Variants in CFAP206 observed in about 807,000 individuals in gnomAD.
CFAP206 encodes cilia and flagella associated protein 206.
In CFAP206, 53 loss-of-function variants were observed where a neutral mutation model predicts 65.4. The ratio of observed to expected loss-of-function variants is 0.81; its 90% CI spans 0.65 to 1.02. The LOEUF is 1.02. Among genes scored for constraint, CFAP206 ranks in the 50% least tolerant of loss-of-function variants. The pLI is 0.00. For missense variants in CFAP206, 663 were observed against 753.2 expected (o/e 0.88, Z 1.40); for synonymous variants, 250 against 254.4 (o/e 0.98, Z 0.17).
At chr6:87,429,748 A>T (rs954096541) in intron 9 of CFAP206, among the ~76,000 whole-genome samples, 1 of 152,196 alleles carries the variant, frequency 6.6e-6, no homozygotes, top group Non-Finnish European at 1.5e-5. Flanking sequence ...AACTGAAATT[A>T]ATAATTTACT....
chr6:87,411,378 G>C (rs193261213), intron 3 of CFAP206, among the ~76,000 whole-genome samples: 25 of 152,112 alleles, frequency 1.6e-4, no homozygotes, highest in African/African-American at 6.0e-4. Flanking sequence ...TTTATAATGG[G>C]GTTATTTGTT....
chr6:87,446,057 T>G (rs1768436439), intron 11 of CFAP206, among the ~76,000 whole-genome samples: 1 of 152,200 alleles, frequency 6.6e-6, no homozygotes, highest in Non-Finnish European at 1.5e-5. Context: ...TTGTTTGTTT[T>G]TCTCTTGCAA....
At chr6:87,454,227 C>T (rs1330866833) in intron 11 of CFAP206, among the ~76,000 whole-genome samples, 1 of 152,068 alleles carries the variant, frequency 6.6e-6, no homozygotes, top group African/African-American at 2.4e-5. Flanking sequence ...CTGGAGTATC[C>T]AGACATATAA....
intron 11 of CFAP206, among the ~76,000 whole-genome samples, chr6:87,456,182 T>C (rs1368816238): frequency 2.6e-5 from 4 of 152,150 alleles, no homozygotes; most frequent in Non-Finnish European, 4.4e-5. Context: ...ATTCATCCCA[T>C]AGATGCAAGG....
At chr6:87,450,952 A>G (rs1768532283) in intron 11 of CFAP206, among the ~76,000 whole-genome samples, 1 of 152,200 alleles carries the variant, frequency 6.6e-6, no homozygotes, top group African/African-American at 2.4e-5. Flanking sequence ...CATAGCATAA[A>G]GCAGTACAGG....
chr6:87,422,830 G>T (rs115738012), intron 7 of CFAP206, among the ~76,000 whole-genome samples: 6,115 of 152,044 alleles, frequency 0.04, 411 homozygotes, highest in African/African-American at 0.14. Context: ...TGTAAGTAGA[G>T]TAATTTCTAG....
chr6:87,444,017 T>C (rs1768399438), intron 11 of CFAP206, among the ~76,000 whole-genome samples: 2 of 152,214 alleles, frequency 1.3e-5, no homozygotes, highest in African/African-American at 4.8e-5. Context: ...GCATTTCTTC[T>C]TTAGATTGTA....
At chr6:87,408,612 C>G (rs1035001809) in intron 1 of CFAP206, 2 of 150,674 alleles carry the variant, frequency 1.3e-5, no homozygotes, top group African/African-American at 2.5e-5. Context: ...CGGAGCGCGA[C>G]GGACTCTCCC....
At chr6:87,420,781 C>A (rs1393124424) in intron 7 of CFAP206, among the ~76,000 whole-genome samples, 1 of 152,202 alleles carries the variant, frequency 6.6e-6, no homozygotes, top group Admixed American at 6.5e-5. Context: ...CATTTCCAAG[C>A]TCCTTGCTGC....
At chr6:87,442,016 C>G (rs1176053518) in intron 11 of CFAP206, 1 of 240,496 alleles carries the variant, frequency 4.2e-6, no homozygotes, top group African/African-American at 2.3e-5. Context: ...AATTGCAGAT[C>G]CTTCCAAAAT....
intron 11 of CFAP206, among the ~76,000 whole-genome samples, chr6:87,456,631 A>G (rs1768647228): frequency 6.6e-6 from 1 of 152,212 alleles, no homozygotes; most frequent in African/African-American, 2.4e-5. Context: ...AGACTCCACC[A>G]AAAAACTAAT....
At chr6:87,411,954 T>G (rs1042251385) in intron 3 of CFAP206, among the ~76,000 whole-genome samples, 6 of 152,236 alleles carry the variant, frequency 3.9e-5, no homozygotes, top group Non-Finnish European at 8.8e-5. Context: ...GTATAAAGCT[T>G]GTTCTTAGCA....
At chr6:87,432,936 C>A (rs964941001) in intron 10 of CFAP206, among the ~76,000 whole-genome samples, 3 of 152,204 alleles carry the variant, frequency 2.0e-5, no homozygotes, top group Non-Finnish European at 4.4e-5. Flanking sequence ...GAGTGGAGAC[C>A]ACATGCCTTA....
At chr6:87,427,167 T>G (rs1035165789) in intron 8 of CFAP206, among the ~76,000 whole-genome samples, 3 of 152,228 alleles carry the variant, frequency 2.0e-5, no homozygotes, top group African/African-American at 7.2e-5. Flanking sequence ...AGACGGAGTC[T>G]CGCTTTGTCG....
chr6:87,425,452 C>T (rs763812086), intron 7 of CFAP206, among the ~76,000 whole-genome samples: 70 of 152,156 alleles, frequency 4.6e-4, no homozygotes, highest in Admixed American at 1.1e-3. Flanking sequence ...TACAGTATAG[C>T]TTACAATGGC....
At chr6:87,442,568 C>T (rs1051671917) in intron 11 of CFAP206, among the ~76,000 whole-genome samples, 7 of 152,034 alleles carry the variant, frequency 4.6e-5, no homozygotes, top group African/African-American at 1.7e-4. Flanking sequence ...TCTTCTTATC[C>T]CCCCAAATAA....
chr6:87,453,809 A>G (rs903784794), intron 11 of CFAP206, among the ~76,000 whole-genome samples: 5 of 152,208 alleles, frequency 3.3e-5, no homozygotes, highest in Non-Finnish European at 7.3e-5. Context: ...AAAGGAAGAC[A>G]GGAAGGAAGG....
chr6:87,426,433 C>T, intron 7 of CFAP206, 93 bp from the exon 8 acceptor site: 1 of 899,110 alleles, frequency 1.1e-6, no homozygotes, highest in Non-Finnish European at 1.6e-6. Context: ...AGCCTACTTT[C>T]AGAGGATGTG....
chr6:87,428,936 C>A, intron 9 of CFAP206, 112 bp downstream of exon 9: 1 of 1,123,942 alleles, frequency 8.9e-7, no homozygotes, highest in Non-Finnish European at 1.3e-6. Flanking sequence ...AAACATTTTT[C>A]TTGATTATAA....
Sources: gnomAD v4.1 joint callset for allele counts (sites outside exome capture counted in the v4.1 genomes callset) on GRCh38, gnomAD v4.1.1 for gene constraint, MANE v1.5 for transcripts, NCBI Gene and HGNC (gene_info 2026-07-23, HGNC 2026-07-21) for gene names.